MARK1: variants seen among roughly 807,000 people sequenced by gnomAD.
The protein encoded by MARK1 is serine/threonine-protein kinase MARK1.
In MARK1, 40 loss-of-function variants were observed where a neutral mutation model predicts 96.3. The observed-to-expected ratio is 0.42, with a 90% confidence interval of 0.32 to 0.54. The LOEUF (loss-of-function observed/expected upper bound fraction) is 0.54, where lower values mean the gene tolerates loss of function less well. MARK1 is among the 20% of genes least tolerant of loss of function. The pLI is 0.16. For missense variants in MARK1, 719 were observed against 984.6 expected (o/e 0.73, Z 3.61); for synonymous variants, 317 against 341.2 (o/e 0.93, Z 0.78).
In MARK1 at chr1:220,662,695, A is replaced by G. The variant is rs1222515645; in HGVS notation, c.*529A>G. 6.5e-6 allele frequency: 1 copy of G among 153,504 alleles called. No homozygotes were observed. Among genetic ancestry groups the G allele is most frequent in the Non-Finnish European group, 1.5e-5 (1 of 68,636 alleles). The allele number at this position is 153,504 out of a possible 1,614,324, so 9.5% of individuals were successfully genotyped here. ...TAAACCAGAAGCTGAAAAATAGATC[A>G]GCTTTATTATACACAAAATTATTAC... is the stretch of plus-strand genomic sequence containing the variant. On this transcript the variant is annotated 3_prime_UTR_variant, in exon 18 of 18. Transcript: ENST00000366917.
intron 1 of MARK1, among the ~76,000 whole-genome samples, chr1:220,545,465 G>A (rs1027845374): frequency 7.8e-5 from 6 of 77,224 alleles, no homozygotes; most frequent in Non-Finnish European, 1.2e-4. Flanking sequence ...TTTTTTTTGA[G>A]ATAGGTTCTT....
chr1:220,573,026 T>C (rs989849590), intron 1 of MARK1, among the ~76,000 whole-genome samples: 48 of 152,198 alleles, frequency 3.2e-4, no homozygotes, highest in Non-Finnish European at 5.9e-4. Flanking sequence ...GTTATTCCTA[T>C]GTGTGAATGT....
chr1:220,546,837 C>T (rs539701503), intron 1 of MARK1, among the ~76,000 whole-genome samples: 5 of 151,864 alleles, frequency 3.3e-5, no homozygotes, highest in Admixed American at 6.5e-5. Context: ...CTGGGCATGG[C>T]GGCGTGCGCC....
chr1:220,635,280 G>A, intron 11 of MARK1, 96 bp from the exon 12 acceptor site: 5 of 1,206,126 alleles, frequency 4.1e-6, no homozygotes, highest in Non-Finnish European at 5.7e-6. Flanking sequence ...TTCTTGTATA[G>A]CTTTAAGTCA....
intron 3 of MARK1, among the ~76,000 whole-genome samples, chr1:220,581,817 C>T (rs17007981): frequency 0.056 from 8,565 of 152,226 alleles, 353 homozygotes; most frequent in Middle Eastern, 0.15. Context: ...AGCTGTTTCA[C>T]GTTACTTCAT....
chr1:220,533,636 A>G (rs1660477358), intron 1 of MARK1, among the ~76,000 whole-genome samples: 1 of 152,082 alleles, frequency 6.6e-6, no homozygotes, highest in Non-Finnish European at 1.5e-5. Flanking sequence ...TTCTTTCACC[A>G]CTCAGAAGGT....
intron 3 of MARK1, among the ~76,000 whole-genome samples, chr1:220,586,005 A>ACGCG (rs1228483273): frequency 0.015 from 362 of 23,880 alleles, 1 homozygote; most frequent in African/African-American, 0.019. Context: ...ACACACACAC[A>ACGCG]CACACACGCG....
At chr1:220,540,813 C>T (rs1230906715) in intron 1 of MARK1, among the ~76,000 whole-genome samples, 1 of 151,892 alleles carries the variant, frequency 6.6e-6, no homozygotes, top group Non-Finnish European at 1.5e-5. Flanking sequence ...TTTGTATTCA[C>T]TAATTTGTTA....
At chr1:220,645,236 C>T (rs1668515932) in intron 13 of MARK1, among the ~76,000 whole-genome samples, 1 of 152,122 alleles carries the variant, frequency 6.6e-6, no homozygotes, top group Admixed American at 6.5e-5. Context: ...AGGAGGATGC[C>T]ACCATTGACC....
chr1:220,645,998 C>T (rs1285323840), intron 13 of MARK1, among the ~76,000 whole-genome samples: 1 of 152,060 alleles, frequency 6.6e-6, no homozygotes, highest in Non-Finnish European at 1.5e-5. Flanking sequence ...AAAACTGGCA[C>T]AAGACAAGGA....
chr1:220,627,355 C>T (rs558224209), intron 9 of MARK1: 1 of 492,256 alleles, frequency 2.0e-6, no homozygotes, highest in East Asian at 6.2e-5. Context: ...AAGAGAAAGA[C>T]CTAGATGAGA....
intron 1 of MARK1, among the ~76,000 whole-genome samples, chr1:220,573,615 G>C (rs1180933392): frequency 1.3e-5 from 2 of 152,078 alleles, no homozygotes; most frequent in Non-Finnish European, 2.9e-5. Context: ...GAGCCACTGT[G>C]CCCGGCCGAG....
At chr1:220,587,163 AT>A (rs1405545373) in intron 3 of MARK1, among the ~76,000 whole-genome samples, 19 of 152,226 alleles carry the variant, frequency 1.2e-4, no homozygotes, top group African/African-American at 4.6e-4. Flanking sequence ...AATACAGTAT[AT>A]TAGTTATTTT....
chr1:220,555,073 G>A (rs1558255238), intron 1 of MARK1, among the ~76,000 whole-genome samples: 1 of 152,130 alleles, frequency 6.6e-6, no homozygotes, highest in East Asian at 1.9e-4. Context: ...CAGAACTGGG[G>A]AAGTAACCAC....
At chr1:220,627,367 G>A (rs1356926451) in intron 9 of MARK1, 5 of 487,562 alleles carry the variant, frequency 1.0e-5, no homozygotes, top group East Asian at 1.3e-4. Flanking sequence ...TAGATGAGAA[G>A]AGCAAAGTCA....
At chr1:220,558,968 A>G (rs1425364374) in intron 1 of MARK1, among the ~76,000 whole-genome samples, 3 of 152,234 alleles carry the variant, frequency 2.0e-5, no homozygotes, top group Non-Finnish European at 4.4e-5. Context: ...AAAATTAATC[A>G]GCTAGTGTTA....
chr1:220,576,421 CA>C (rs10710315), intron 1 of MARK1, among the ~76,000 whole-genome samples: 96,081 of 138,508 alleles, frequency 0.69, 34,107 homozygotes, highest in East Asian at 0.86. Flanking sequence ...TTTTATTGGC[CA>C]AAAAAAAAAA....
At chr1:220,567,452 C>T (rs1371452448) in intron 1 of MARK1, among the ~76,000 whole-genome samples, 1 of 152,090 alleles carries the variant, frequency 6.6e-6, no homozygotes, top group Non-Finnish European at 1.5e-5. Context: ...GATGGAAAAA[C>T]ACAGGAGAGC....
intron 11 of MARK1, among the ~76,000 whole-genome samples, chr1:220,634,101 G>C (rs1667819813): frequency 6.6e-6 from 1 of 152,034 alleles, no homozygotes; most frequent in Non-Finnish European, 1.5e-5. Context: ...CTAGAGATGT[G>C]GTATCAAAGA....
Sources: gnomAD v4.1 joint callset for allele counts (sites outside exome capture counted in the v4.1 genomes callset) on GRCh38, gnomAD v4.1.1 for gene constraint, MANE v1.5 for transcripts, NCBI Gene and HGNC (gene_info 2026-07-23, HGNC 2026-07-21) for gene names.